Variants in PHC2 observed in about 807,000 individuals in gnomAD.
PHC2 encodes polyhomeotic homolog 2.
A neutral mutation model predicts 87.4 loss-of-function variants in PHC2; 29 were observed. The ratio of observed to expected loss-of-function variants is 0.33; its 90% CI spans 0.25 to 0.45. The LOEUF (loss-of-function observed/expected upper bound fraction) is 0.45, where lower values mean the gene tolerates loss of function less well. Among genes scored for constraint, PHC2 ranks in the 20% least tolerant of loss-of-function variants. The probability of loss-of-function intolerance (pLI) is 1.00; values close to 1 mark genes in which losing one functional copy is unlikely to be tolerated. For missense variants in PHC2, 857 were observed against 1,136.7 expected, an observed-to-expected ratio of 0.75 and a Z score of 3.54; for synonymous variants, 438 against 461.7, an observed-to-expected ratio of 0.95 and a Z score of 0.66.
chr1:33,375,423 G>A lies in PHC2; in HGVS notation c.117C>T (p.Arg39=). Reference sequence around the variant, plus strand: ...ACACAGAAATCTGGGGCCCGGTGGGGCGGCCACTTCCACCACTGCTGCTGT... The same window carrying A: ...ACACAGAAATCTGGGGCCCGGTGGGACGGCCACTTCCACCACTGCTGCTGT... The part of the protein sequence containing the change: ...CNNSSSGGSG[R]PTGPQISVYS... The change falls in exon 2 of 15, where the codon CGC becomes CGT. Residue 39 remains arginine (R), a synonymous_variant. Coordinates refer to ENST00000683057, the MANE Select transcript of PHC2 (RefSeq NM_001385109.1). The A allele has an allele frequency of 6.2e-7, 1 of 1,611,990 alleles. No individual in the cohort carries two copies. Among genetic ancestry groups the A allele is most frequent in the Non-Finnish European group, 8.5e-7 (1 of 1,179,110 alleles).
At chr1:33,415,162 C>G (rs1042547149) in intron 1 of PHC2, among the ~76,000 whole-genome samples, 2 of 152,108 alleles carry the variant, frequency 1.3e-5, no homozygotes, top group Non-Finnish European at 2.9e-5. Context: ...GGCAAAGTGA[C>G]TAGAATTTGT....
chr1:33,420,617 CT>C (rs113431471), intron 1 of PHC2, among the ~76,000 whole-genome samples: 27 of 149,402 alleles, frequency 1.8e-4, no homozygotes, highest in Admixed American at 1.5e-3. Context: ...TATTTCACCT[CT>C]TTTTTTTTTC....
At chr1:33,393,463 G>GTTTTT (rs36030279) in intron 1 of PHC2, among the ~76,000 whole-genome samples, 22 of 131,022 alleles carry the variant, frequency 1.7e-4, no homozygotes, top group Non-Finnish European at 2.4e-4. Flanking sequence ...TTTTCAAGAG[G>GTTTTT]TTTTTTTTTT....
At position 33,330,319 on chromosome 1, in the gene PHC2, G is replaced by A. The variant is rs1646462949; in HGVS notation, c.2007-107C>T. Reference sequence around the variant, plus strand: ...CTGACAAATTTTGAGTCCATCTATTGGTTCAGATCCTAACTCCATCACTAA... The same window carrying A: ...CTGACAAATTTTGAGTCCATCTATTAGTTCAGATCCTAACTCCATCACTAA... On this transcript the variant is annotated intron_variant, in intron 12 of 14. Transcript: ENST00000683057. 5 of 1,203,250 alleles carry A rather than the reference G, an allele frequency of 4.2e-6. No homozygotes were observed. The South Asian group carries it at 6.6e-5, about 16-fold the overall frequency. 74.5% of individuals were successfully genotyped at this position (1,203,250 alleles called of 1,614,324 possible).
At chr1:33,408,756 C>T (rs370332740) in intron 1 of PHC2, among the ~76,000 whole-genome samples, 5 of 152,108 alleles carry the variant, frequency 3.3e-5, no homozygotes, top group Middle Eastern at 3.2e-3. Flanking sequence ...TGAGCCACCG[C>T]GCCTGGCCTG....
At chr1:33,327,474 A>G (rs1276841326) in intron 14 of PHC2, among the ~76,000 whole-genome samples, 2 of 152,164 alleles carry the variant, frequency 1.3e-5, no homozygotes, top group Non-Finnish European at 1.5e-5. Context: ...GGTGAACTAC[A>G]TGGCTTGTCT....
Position 33,332,742 on chromosome 1 carries a change from G to C in PHC2, c.1762-338C>G, listed in dbSNP as rs888544936. 2.6e-5 allele frequency among the ~76,000 whole-genome samples: 4 copies of C among 152,090 alleles called. No homozygotes were observed. Among genetic ancestry groups the C allele is most frequent in the African/African-American group, 9.7e-5 (4 of 41,412 alleles). On this transcript the variant is annotated intron_variant, in intron 10 of 14. Coordinates refer to ENST00000683057, the MANE Select transcript of PHC2 (RefSeq NM_001385109.1). This position sits in a 1 kb window ranked among gnomAD's most constrained non-coding sequence, Gnocchi z 4.2. ...TCAAGCACCAAGACCCAGTACCCAC[G>C]CATCTCCAGGCAAGGACAGAGCGGA...
At chr1:33,328,772 C>G (rs1646426168) in intron 14 of PHC2, 98 bp downstream of exon 14, 2 of 1,222,812 alleles carry the variant, frequency 1.6e-6, no homozygotes, top group Non-Finnish European at 2.3e-6. Flanking sequence ...GAACCTGAGT[C>G]ATTAACTAAA....
intron 1 of PHC2, among the ~76,000 whole-genome samples, chr1:33,419,759 G>A (rs1053319596): frequency 3.9e-5 from 6 of 152,048 alleles, no homozygotes; most frequent in Non-Finnish European, 8.8e-5. Flanking sequence ...ATAGGCGCCC[G>A]CTACCACGCC....
rs146737581 is a variant in PHC2 at position 33,354,912 on chromosome 1, C to A, written c.1318G>T (p.Val440Leu). 3.1e-6 allele frequency: 5 copies of A among 1,614,154 alleles called. 1 individual carries two copies. The South Asian group carries it at 4.4e-5, about 14-fold the overall frequency. ...TGPQNGHPEG[V>L]PHTPQRRFQH... ...AACCTGCGTTGAGGGGTGTGGGGCA[C>A]GCCCTCGGGATGTCCATTCTGAGGC... The change falls in exon 8 of 15, where the codon GTG (valine) becomes TTG (leucine). Residue 440 changes from valine to leucine, a missense_variant. By Grantham distance (32) the Val-to-Leu change is conservative (BLOSUM62 1). This residue lies in a region of PHC2 where 832 missense variants were observed against 1,081.8 expected (regional missense o/e 0.77). Transcript: ENST00000683057.
intron 7 of PHC2, among the ~76,000 whole-genome samples, chr1:33,358,535 A>C (rs922468023): frequency 1.3e-5 from 2 of 152,180 alleles, no homozygotes; most frequent in African/African-American, 4.8e-5. Context: ...TTTTGTTTCG[A>C]GTACTGCAGT....
rs760652847 is a variant in PHC2 at position 33,411,709 on chromosome 1, C to T, written c.-55+19267G>A. 9.9e-5 allele frequency among the ~76,000 whole-genome samples: 15 copies of T among 152,052 alleles called. No individual in the cohort carries two copies. The East Asian group carries it at 1.5e-3, about 16-fold the overall frequency. On this transcript the variant is annotated intron_variant, in intron 1 of 14. Coordinates refer to ENST00000683057, the MANE Select transcript of PHC2 (RefSeq NM_001385109.1). ...CCGAGTAGCTGGGACTAGAGGTGCG[C>T]GCCACCACGCCCAGCTAATTTTTTG...
rs80176156 is a variant in PHC2, at chr1:33,332,430, G to C, written c.1762-26C>G. On this transcript the variant is annotated intron_variant, in intron 10 of 14. Transcript: ENST00000683057. The surrounding 1 kb of genome is among the most constrained non-coding windows in gnomAD (Gnocchi z 4.2). ...CTAGAGGACAGGTAACACGGAGGCC[G>C]TGAGGGTCAGGTGGGAGCGGCTTCC... 1 of 1,613,862 alleles carries C rather than the reference G, an allele frequency of 6.2e-7. No individual in the cohort carries two copies. Among genetic ancestry groups the C allele is most frequent in the South Asian group, 1.1e-5 (1 of 91,062 alleles).
chr1:33,372,511 G>A, intron 2 of PHC2, 64 bp from the exon 3 acceptor site: 7 of 1,389,886 alleles, frequency 5.0e-6, no homozygotes, highest in Non-Finnish European at 6.7e-6. Context: ...CCCTTTGGCA[G>A]TAATGCCTTG....
At chr1:33,413,871 T>G (rs1187783459) in intron 1 of PHC2, among the ~76,000 whole-genome samples, 1 of 152,324 alleles carries the variant, frequency 6.6e-6, no homozygotes, top group Admixed American at 6.5e-5. Context: ...ATGCCTCCTG[T>G]GGCCCAGAGT....
rs192436599 is a variant in PHC2 at position 33,374,449 on chromosome 1, G to A, written c.174+917C>T. Among the ~76,000 whole-genome samples, 201 of 152,344 alleles carry A rather than the reference G, an allele frequency of 1.3e-3. 2 individuals carry two copies. Among genetic ancestry groups the A allele is most frequent in the African/African-American group, 4.6e-3 (191 of 41,574 alleles). On this transcript the variant is annotated intron_variant, in intron 2 of 14. Transcript: ENST00000683057. Reference sequence around the variant, plus strand: ...CAGGAAACATGGATTCACTAAGCACGAGGTAGAAATAAGTGGGAGAGGGAA... The same window carrying A: ...CAGGAAACATGGATTCACTAAGCACAAGGTAGAAATAAGTGGGAGAGGGAA...
intron 2 of PHC2, among the ~76,000 whole-genome samples, chr1:33,375,043 G>A (rs1648088944): frequency 6.6e-6 from 1 of 152,206 alleles, no homozygotes; most frequent in Non-Finnish European, 1.5e-5. Flanking sequence ...CTGAAAAACT[G>A]AGATGTGTTC....
chr1:33,413,871 T>C (rs1187783459), intron 1 of PHC2, among the ~76,000 whole-genome samples: 1 of 152,206 alleles, frequency 6.6e-6, no homozygotes, highest in Non-Finnish European at 1.5e-5. Flanking sequence ...ATGCCTCCTG[T>C]GGCCCAGAGT....
rs896098261 is a variant in PHC2, at chr1:33,385,837, C to T, written c.-54-10244G>A. 4.6e-5 allele frequency among the ~76,000 whole-genome samples: 7 copies of T among 151,444 alleles called. No homozygotes were observed. The South Asian group carries it at 1.3e-3, about 27-fold the overall frequency. ...TTTGAGATGGAGTCTTGCTCTCTCG[C>T]CCAGGCTGGAATGCAGTGGCATGAT... On this transcript the variant is annotated intron_variant, in intron 1 of 14. Coordinates refer to ENST00000683057, the MANE Select transcript of PHC2 (RefSeq NM_001385109.1).
Sources: gnomAD v4.1 joint callset for allele counts (sites outside exome capture counted in the v4.1 genomes callset) on GRCh38, gnomAD v4.1.1 for gene constraint, gnomAD v4.1.1 regional missense constraint, Gnocchi (gnomAD v3.1) non-coding constraint, MANE v1.5 for transcripts, NCBI Gene and HGNC (gene_info 2026-07-23, HGNC 2026-07-21) for gene names.